The following NXPH1 variants were observed in gnomAD, a reference collection of about 807,000 sequenced individuals.
NXPH1 encodes neurexophilin-1.
In NXPH1, 5 loss-of-function variants were observed where a neutral mutation model predicts 23.7. The observed-to-expected ratio is 0.21, with a 90% CI of 0.11 to 0.44. The LOEUF is 0.44. Ranked by LOEUF, NXPH1 falls within the 20% of genes least tolerant of loss-of-function variation. The pLI is 0.99. For synonymous variants in NXPH1, 144 were observed against 122.2 expected, an observed-to-expected ratio of 1.18 and a Z score of -1.18; for missense variants, 324 against 321.6, an observed-to-expected ratio of 1.01 and a Z score of -0.06.
chr7:8,644,727 C>A (rs1335023556), intron 2 of NXPH1, among the ~76,000 whole-genome samples: 2 of 151,990 alleles, frequency 1.3e-5, no homozygotes, highest in Non-Finnish European at 2.9e-5. Context: ...CCATTACCAT[C>A]CAGATTAAGA....
chr7:8,599,760 A>G (rs1452301144), intron 2 of NXPH1, among the ~76,000 whole-genome samples: 1 of 151,590 alleles, frequency 6.6e-6, no homozygotes, highest in Non-Finnish European at 1.5e-5. Flanking sequence ...GTGCTGTTTA[A>G]CCACACTTGT....
At chr7:8,669,073 T>G (rs1262811554) in intron 2 of NXPH1, among the ~76,000 whole-genome samples, 1 of 152,218 alleles carries the variant, frequency 6.6e-6, no homozygotes, top group East Asian at 1.9e-4. Flanking sequence ...TCCTGGAGCT[T>G]GAGTATGTTC....
At position 8,662,844 on chromosome 7, in the gene NXPH1, T is replaced by A. The variant is rs1287182571; in HGVS notation, c.55-88164T>A. On this transcript the variant is annotated intron_variant, in intron 2 of 2. Coordinates refer to ENST00000405863, the MANE Select transcript of NXPH1 (RefSeq NM_152745.3). ...CTAGTGTTGTTTCTTAAATATATTTTAAAATACGTGTCATTATTCAATGCT... is the reference window on the plus strand; with the variant it reads ...CTAGTGTTGTTTCTTAAATATATTTAAAAATACGTGTCATTATTCAATGCT... Among the ~76,000 whole-genome samples the A allele has an allele frequency of 4.6e-5, 7 of 152,112 alleles. 1 individual carries two copies. The highest frequency in any genetic ancestry group is 4.6e-4 in the Admixed American group (7 of 15,254).
chr7:8,693,646 C>A (rs1414539331), intron 2 of NXPH1, among the ~76,000 whole-genome samples: 1 of 152,138 alleles, frequency 6.6e-6, no homozygotes, highest in Non-Finnish European at 1.5e-5. Flanking sequence ...AAATCTCAGA[C>A]CAGAAAAGGC....
At chr7:8,505,049 A>G (rs973782334) in intron 2 of NXPH1, among the ~76,000 whole-genome samples, 3 of 152,090 alleles carry the variant, frequency 2.0e-5, no homozygotes, top group African/African-American at 4.8e-5. Flanking sequence ...ATTCACTACC[A>G]TGGTATCCTG....
intron 2 of NXPH1, among the ~76,000 whole-genome samples, chr7:8,477,411 A>G (rs1464137716): frequency 6.6e-6 from 1 of 152,074 alleles, no homozygotes; most frequent in Non-Finnish European, 1.5e-5. Context: ...GGTCAAGCTG[A>G]GTTGTTAATC....
At chr7:8,642,814 T>C (rs571875480) in intron 2 of NXPH1, among the ~76,000 whole-genome samples, 2 of 152,206 alleles carry the variant, frequency 1.3e-5, no homozygotes, top group African/African-American at 4.8e-5. Context: ...AATGGGAAAG[T>C]TCTTAATGTT....
chr7:8,552,488 A>G (rs1405282630), intron 2 of NXPH1, among the ~76,000 whole-genome samples: 5 of 151,490 alleles, frequency 3.3e-5, no homozygotes, highest in African/African-American at 1.2e-4. Flanking sequence ...TGAAAGAAAC[A>G]TGTCTGCCCC....
intron 2 of NXPH1, among the ~76,000 whole-genome samples, chr7:8,611,177 GA>G (rs1318467192): frequency 6.6e-6 from 1 of 151,998 alleles, no homozygotes; most frequent in African/African-American, 2.4e-5. Context: ...TACAAATTAT[GA>G]TACATGCCAT....
intron 2 of NXPH1, among the ~76,000 whole-genome samples, chr7:8,658,174 G>A (rs915360209): frequency 2.0e-5 from 3 of 152,148 alleles, no homozygotes; most frequent in Non-Finnish European, 2.9e-5. Flanking sequence ...GTATTTCTAT[G>A]TCCATGTATA....
chr7:8,516,238 CTCTT>C (rs1290352785), intron 2 of NXPH1, among the ~76,000 whole-genome samples: 1 of 152,048 alleles, frequency 6.6e-6, no homozygotes, highest in East Asian at 1.9e-4. Flanking sequence ...TCTACTATAT[CTCTT>C]TCCTCCCGCC....
Position 8,521,086 on chromosome 7 carries a change from T to G in NXPH1, c.54+85319T>G, listed in dbSNP as rs114593075. Among the ~76,000 whole-genome samples, 385 of 152,228 alleles carry G rather than the reference T, an allele frequency of 2.5e-3. 2 individuals are homozygous for G. Among genetic ancestry groups the G allele is most frequent in the African/African-American group, 8.4e-3 (348 of 41,556 alleles). On this transcript the variant is annotated intron_variant, in intron 2 of 2. Transcript: ENST00000405863. ...TCAGTTTTCAGATTAAATCCATCAA[T>G]AAATACTTCCTAGGGTGATTCTAGT...
At chr7:8,727,295 C>T (rs1441701295) in intron 2 of NXPH1, among the ~76,000 whole-genome samples, 1 of 130,866 alleles carries the variant, frequency 7.6e-6, no homozygotes. Context: ...GTTGCCTATT[C>T]ACTCTGATGG....
chr7:8,583,055 T>A (rs1380657277), intron 2 of NXPH1, among the ~76,000 whole-genome samples: 1 of 152,008 alleles, frequency 6.6e-6, no homozygotes, highest in Admixed American at 6.5e-5. Flanking sequence ...TGAGTGTGCA[T>A]ACACTTGGCC....
At chr7:8,579,355 T>A (rs1258386340) in intron 2 of NXPH1, among the ~76,000 whole-genome samples, 2 of 123,780 alleles carry the variant, frequency 1.6e-5, no homozygotes, top group African/African-American at 8.6e-5. Context: ...GGAATTCAAG[T>A]TTTTTTTGTT....
chr7:8,674,135 A>T (rs1772355943), intron 2 of NXPH1, among the ~76,000 whole-genome samples: 1 of 150,308 alleles, frequency 6.7e-6, no homozygotes, highest in African/African-American at 2.5e-5. Context: ...ATTTTTAATC[A>T]ATGTCCCTAG....
In NXPH1 at chr7:8,705,641, C is replaced by T. The variant is rs563088353; in HGVS notation, c.55-45367C>T. ...CCAGTTGCAGCTGTGGTCCCATATG[C>T]GGTTTCTTTATTGAAGCAAATCAAC... On this transcript the variant is annotated intron_variant, in intron 2 of 2. Transcript: ENST00000405863. Among the ~76,000 whole-genome samples the T allele has an allele frequency of 1.3e-3, 197 of 152,208 alleles. 1 individual carries two copies. Among genetic ancestry groups the T allele is most frequent in the African/African-American group, 4.4e-3 (181 of 41,538 alleles).
chr7:8,708,039 C>A (rs1779730379), intron 2 of NXPH1, among the ~76,000 whole-genome samples: 1 of 151,878 alleles, frequency 6.6e-6, no homozygotes, highest in African/African-American at 2.4e-5. Flanking sequence ...TATGAATATG[C>A]AAATTTTAAA....
At chr7:8,654,059 G>T (rs35389649) in intron 2 of NXPH1, among the ~76,000 whole-genome samples, 4 of 152,290 alleles carry the variant, frequency 2.6e-5, no homozygotes, top group South Asian at 4.1e-4. Flanking sequence ...TCTATTTTCA[G>T]GGAGGGCTGG....
Sources: gnomAD v4.1 joint callset for allele counts (sites outside exome capture counted in the v4.1 genomes callset) on GRCh38, gnomAD v4.1.1 for gene constraint, MANE v1.5 for transcripts, NCBI Gene and HGNC (gene_info 2026-07-23, HGNC 2026-07-21) for gene names.